RAX: variants seen among roughly 807,000 people sequenced by gnomAD.
RAX encodes retina and anterior neural fold homeobox, also known as retinal homeobox protein Rx.
In RAX, 11 loss-of-function variants were observed where a neutral mutation model predicts 17.4. The observed-to-expected ratio is 0.63, with a 90% CI of 0.40 to 1.05. RAX has a LOEUF of 1.05. Ranked by LOEUF, RAX falls within the 50% of genes least tolerant of loss-of-function variation. The pLI is 0.00. For synonymous variants in RAX, 276 were observed against 254.7 expected (o/e 1.08, Z -0.80); for missense variants, 527 against 501.1 (o/e 1.05, Z -0.49).
Position 59,272,424 on chromosome 18 carries a change from G to A in RAX, c.480C>T (p.Tyr160=), listed in dbSNP as rs1486914123. The A allele has an allele frequency of 6.2e-7, 1 of 1,614,138 alleles. No homozygotes were observed. ...ELERAFEKSH[Y]PDVYSREELA... ...GCTCCTCGCGGCTGTACACGTCCGG[G>A]TAGTGGGACTTCTCGAACGCGCGCT... is the stretch of plus-strand genomic sequence containing the variant. The change falls in exon 2 of 3, where the codon TAC becomes TAT. Residue 160 remains tyrosine (Y), a synonymous_variant. Transcript: ENST00000334889.
intron 2 of RAX, among the ~76,000 whole-genome samples, chr18:59,269,933 C>T (rs1188485053): frequency 6.6e-6 from 1 of 152,082 alleles, no homozygotes; most frequent in South Asian, 2.1e-4. Flanking sequence ...AATCGTAGAA[C>T]TTTGAAACGA....
chr18:59,269,520 G>A lies in RAX; in HGVS notation c.544-19C>T, dbSNP rs770813565. The A allele has an allele frequency of 1.5e-5, 24 of 1,594,312 alleles. No homozygotes were observed. The Middle Eastern group carries it at 9.9e-4, about 66-fold the overall frequency. On this transcript the variant is annotated intron_variant, in intron 2 of 2. Transcript: ENST00000334889. Reference sequence around the variant, plus strand: ...ACCACACCTGCAGGAGAGAGCACAGGGGCCGTCGGGCAGCAGCGGAGGCTG... The same window carrying A: ...ACCACACCTGCAGGAGAGAGCACAGAGGCCGTCGGGCAGCAGCGGAGGCTG...
Position 59,269,718 on chromosome 18 carries a change from TTC to T in RAX, c.544-219_544-218del, listed in dbSNP as rs35880128. Among the ~76,000 whole-genome samples the T allele has an allele frequency of 9.2e-3, 1,236 of 134,606 alleles. 32 individuals carry two copies. The highest frequency in any genetic ancestry group is 0.023 in the African/African-American group (779 of 34,012). The allele number at this position is 134,606 out of a possible 152,430, so 88.3% of individuals were successfully genotyped here. Reference sequence around the variant, plus strand: ...CGTTCTCTTTTCTTTTCCATCCCCTTTCTCTCTCTCTCTCTCTCTCTTTTTTT... The same window carrying T: ...CGTTCTCTTTTCTTTTCCATCCCCTTTCTCTCTCTCTCTCTCTCTTTTTTT... On this transcript the variant is annotated intron_variant, in intron 2 of 2. Transcript: ENST00000334889.
chr18:59,268,991 T>G lies in RAX; in HGVS notation c.*13A>C, dbSNP rs1345011075. ...CGGCCCGGGGTCGGATCCCAAGACG[T>G]TCCCCAGTGCCCCTAGAGGGCCTGC... On this transcript the variant is annotated 3_prime_UTR_variant, in exon 3 of 3. Transcript: ENST00000334889. This position sits in a 1 kb window ranked among gnomAD's most constrained non-coding sequence, Gnocchi z 4.4. 1 of 1,612,834 alleles carries G rather than the reference T, an allele frequency of 6.2e-7. No individual in the cohort carries two copies. The highest frequency in any genetic ancestry group is 1.3e-5 in the African/African-American group (1 of 75,036).
chr18:59,267,389 C>T lies in RAX; in HGVS notation c.*1615G>A, dbSNP rs904684091. On this transcript the variant is annotated 3_prime_UTR_variant, in exon 3 of 3. Transcript: ENST00000334889. ...CCAGGGAATTTCGGGGAAATGGGGA[C>T]GATGATTACAATCCATATTGCGTCA... 13 of 152,180 alleles carry T rather than the reference C, an allele frequency of 8.5e-5. No homozygotes were observed. The highest frequency in any genetic ancestry group is 3.1e-4 in the African/African-American group (13 of 41,442). The allele number at this position is 152,180 out of a possible 1,614,324, so 9.4% of individuals were successfully genotyped here.
rs369250755 is a variant in RAX, at chr18:59,272,538, G to A, written c.366C>T (p.Gly122=). The change falls in exon 2 of 3, where the codon GGC becomes GGT. Residue 122 remains glycine (G), a synonymous_variant. Transcript: ENST00000334889. ...SPGLPVGPAT[G]EAKLSEEEQP... is the part of the protein sequence containing the mutation. ...GTTCCTCCTCTGACAGTTTCGCTTCGCCGGTGGCTGGCCCGACGGGCAGCC... is the reference window on the plus strand; with the variant it reads ...GTTCCTCCTCTGACAGTTTCGCTTCACCGGTGGCTGGCCCGACGGGCAGCC... 6.2e-7 allele frequency: 1 copy of A among 1,614,082 alleles called. No individual in the cohort carries two copies. Among genetic ancestry groups the A allele is most frequent in the African/African-American group, 1.3e-5 (1 of 74,940 alleles).
At chr18:59,271,045 C>T (rs747312742) in intron 2 of RAX, among the ~76,000 whole-genome samples, 5 of 152,180 alleles carry the variant, frequency 3.3e-5, no homozygotes, top group Non-Finnish European at 7.3e-5. Context: ...GGAGATCCTG[C>T]CTAGTATCTC....
chr18:59,272,453 G>T lies in RAX; in HGVS notation c.451C>A (p.Leu151Met). 1 of 1,614,234 alleles carries T rather than the reference G, an allele frequency of 6.2e-7. No homozygotes were observed. Among genetic ancestry groups the T allele is most frequent in the Non-Finnish European group, 8.5e-7 (1 of 1,180,048 alleles). Residue 151 changes from leucine (L) to methionine (M), a missense_variant, in exon 2 of 3, where the codon CTG becomes ATG. Coordinates refer to ENST00000334889, the MANE Select transcript of RAX (RefSeq NM_013435.3). ...TTFTTYQLHELERAFEKSHYP... is the reference protein window; with the variant it reads ...TTFTTYQLHEMERAFEKSHYP... ...TGGGACTTCTCGAACGCGCGCTCCA[G>T]CTCATGCAGCTGGTACGTGGTGAAA...
intron 2 of RAX, among the ~76,000 whole-genome samples, chr18:59,272,039 C>A (rs2070341918): frequency 6.6e-6 from 1 of 152,226 alleles, no homozygotes; most frequent in Non-Finnish European, 1.5e-5. Flanking sequence ...TCCATTTCCA[C>A]TCAGCAACCC....
In RAX at chr18:59,268,986, A is replaced by G. The variant is rs777745499; in HGVS notation, c.*18T>C. 1.1e-5 allele frequency: 17 copies of G among 1,612,794 alleles called. No individual in the cohort carries two copies. The highest frequency in any genetic ancestry group is 4.0e-5 in the African/African-American group (3 of 74,924). On this transcript the variant is annotated 3_prime_UTR_variant, in exon 3 of 3. Transcript: ENST00000334889. This position sits in a 1 kb window ranked among gnomAD's most constrained non-coding sequence, Gnocchi z 4.4. Reference sequence around the variant, plus strand: ...GCGGTCGGCCCGGGGTCGGATCCCAAGACGTTCCCCAGTGCCCCTAGAGGG... The same window carrying G: ...GCGGTCGGCCCGGGGTCGGATCCCAGGACGTTCCCCAGTGCCCCTAGAGGG...
Position 59,268,768 on chromosome 18 carries a change from G to A in RAX, c.*236C>T, listed in dbSNP as rs28774981. On this transcript the variant is annotated 3_prime_UTR_variant, in exon 3 of 3. Transcript: ENST00000334889. The surrounding 1 kb of genome is among the most constrained non-coding windows in gnomAD (Gnocchi z 4.4). ...GGCAGCCTGTTGCCCTCCAGCTGCA[G>A]GGCTGAGGTCCGCGAAGTGCGTTGA... 0.24 allele frequency: 159,859 copies of A among 667,472 alleles called. 20,234 individuals carry two copies. Among genetic ancestry groups the A allele is most frequent in the Non-Finnish European group, 0.26 (107,633 of 406,882 alleles). The allele number at this position is 667,472 out of a possible 1,614,324, so 41.3% of individuals were successfully genotyped here. A position where few individuals can be genotyped will look rare whatever the true frequency, so the allele number is the denominator to read the frequency against.
At chr18:59,269,961 G>C (rs2070324421) in intron 2 of RAX, among the ~76,000 whole-genome samples, 1 of 152,128 alleles carries the variant, frequency 6.6e-6, no homozygotes, top group Non-Finnish European at 1.5e-5. Flanking sequence ...CCAATTTTCT[G>C]TGACCTTCTG....
Position 59,269,255 on chromosome 18 carries a change from C to G in RAX, c.790G>C (p.Gly264Arg), listed in dbSNP as rs1331463555. The stretch of plus-strand genomic sequence containing the variant: ...GCAGGCAGGCTCTGCGCCGGCGGCC[C>G]GAAGCCCGGCAGGCTCTGCAGCGCC... ...ATALQSLPGF[G>R]PPAQSLPASY... The change falls in exon 3 of 3, where the codon GGG becomes CGG. Residue 264 changes from glycine (G) to arginine (R), a missense_variant. By Grantham distance (125) the Gly-to-Arg change is moderately radical (BLOSUM62 -2). Coordinates refer to ENST00000334889, the MANE Select transcript of RAX (RefSeq NM_013435.3). The G allele has an allele frequency of 6.7e-7, 1 of 1,498,620 alleles. No homozygotes were observed. The highest frequency in any genetic ancestry group is 8.8e-7 in the Non-Finnish European group (1 of 1,131,122). 92.8% of individuals were successfully genotyped at this position (1,498,620 alleles called of 1,614,324 possible).
In RAX at chr18:59,269,344, G is replaced by T. The variant is rs2070314254; in HGVS notation, c.701C>A (p.Pro234Gln). ...LGAGPGSGGG[P>Q]AGGALPLESW... ...CTCCAGCGGCAGCGCGCCCCCAGCC[G>T]GCCCGCCACCGCTGCCCGGGCCCGC... The change falls in exon 3 of 3, where the codon CCG becomes CAG. Residue 234 changes from proline (P) to glutamine (Q), a missense_variant. Transcript: ENST00000334889. The T allele has an allele frequency of 3.7e-6, 5 of 1,342,586 alleles. No individual in the cohort carries two copies. Among genetic ancestry groups the T allele is most frequent in the Admixed American group, 3.2e-5 (1 of 31,370 alleles). 83.2% of individuals were successfully genotyped at this position (1,342,586 alleles called of 1,614,324 possible).
intron 2 of RAX, 121 bp downstream of exon 2, chr18:59,272,240 C>T: frequency 7.4e-7 from 1 of 1,358,344 alleles, no homozygotes; most frequent in Non-Finnish European, 1.0e-6. Context: ...AGACTCTGGG[C>T]ATGCCAAGTC....
intron 2 of RAX, 117 bp from the exon 3 acceptor site, chr18:59,269,618 G>A (rs2070318182): frequency 2.5e-6 from 3 of 1,206,028 alleles, no homozygotes; most frequent in Non-Finnish European, 3.4e-6. Flanking sequence ...AAAACTAGGG[G>A]CGCAACTGTT....
At position 59,268,859 on chromosome 18, in the gene RAX, C is replaced by G. The variant is rs2070305376; in HGVS notation, c.*145G>C. The G allele has an allele frequency of 4.5e-6, 6 of 1,333,382 alleles. No individual in the cohort carries two copies. The highest frequency in any genetic ancestry group is 6.2e-6 in the Non-Finnish European group (6 of 971,358). 82.6% of individuals were successfully genotyped at this position (1,333,382 alleles called of 1,614,324 possible). ...TCTCCCCGTGCATCGGGAGCAGGCG[C>G]GTGGCCCTGAACTATGCTTGGCGGG... On this transcript the variant is annotated 3_prime_UTR_variant, in exon 3 of 3. Transcript: ENST00000334889. The surrounding 1 kb of genome is among the most constrained non-coding windows in gnomAD (Gnocchi z 4.4).
In RAX at chr18:59,272,586, G is replaced by C; in HGVS notation, c.318C>G (p.Pro106=). 6.2e-7 allele frequency: 1 copy of C among 1,613,224 alleles called. No homozygotes were observed. The highest frequency in any genetic ancestry group is 1.7e-5 in the Admixed American group (1 of 60,004). ...EAPRPYCPKE[P]GEARPSPGLP... ...GCCCTGGGCTCGGCCGTGCCTCCCC[G>C]GGCTCCTTGGGGCAGTAGGGTCGAG... The change falls in exon 2 of 3, where the codon CCC becomes CCG. Residue 106 remains proline (P), a synonymous_variant. Coordinates refer to ENST00000334889, the MANE Select transcript of RAX (RefSeq NM_013435.3).
chr18:59,267,309 C>T lies in RAX; in HGVS notation c.*1695G>A, dbSNP rs1005878901. ...AACTATGATGAGGCTTCCCATATTC[C>T]CAGCTCCAGCGTGGTCATCCTTTTC... On this transcript the variant is annotated 3_prime_UTR_variant, in exon 3 of 3. Coordinates refer to ENST00000334889, the MANE Select transcript of RAX (RefSeq NM_013435.3). 1 of 152,172 alleles carries T rather than the reference C, an allele frequency of 6.6e-6. No individual in the cohort carries two copies. Among genetic ancestry groups the T allele is most frequent in the Non-Finnish European group, 1.5e-5 (1 of 68,030 alleles). The allele number at this position is 152,172 out of a possible 1,614,324, so 9.4% of individuals were successfully genotyped here.
Sources: gnomAD v4.1 joint callset for allele counts (sites outside exome capture counted in the v4.1 genomes callset) on GRCh38, gnomAD v4.1.1 for gene constraint, Gnocchi (gnomAD v3.1) non-coding constraint, MANE v1.5 for transcripts, NCBI Gene and HGNC (gene_info 2026-07-23, HGNC 2026-07-21) for gene names.